Variants in DKK2 observed in about 807,000 individuals in gnomAD.
DKK2 encodes the protein dickkopf-related protein 2.
Under a neutral mutation model 28.1 loss-of-function variants are expected in DKK2, and 11 were observed. The ratio of observed to expected loss-of-function variants is 0.39; its 90% CI spans 0.25 to 0.65. The LOEUF (loss-of-function observed/expected upper bound fraction) is 0.65. Among genes scored for constraint, DKK2 ranks in the 30% least tolerant of loss-of-function variants. The pLI, the probability that DKK2 is intolerant of heterozygous loss-of-function variation, is 0.47. For synonymous variants in DKK2, 135 were observed against 126.5 expected, an observed-to-expected ratio of 1.07 and a Z score of -0.45; for missense variants, 326 against 335.5, an observed-to-expected ratio of 0.97 and a Z score of 0.22.
At chr4:106,940,264 A>G (rs536477379) in intron 1 of DKK2, among the ~76,000 whole-genome samples, 2 of 152,292 alleles carry the variant, frequency 1.3e-5, no homozygotes, top group Admixed American at 6.5e-5. Flanking sequence ...AATTTACAAG[A>G]AAAAACAAAT....
chr4:107,014,289 T>C (rs1309356675), intron 1 of DKK2, among the ~76,000 whole-genome samples: 2 of 151,554 alleles, frequency 1.3e-5, no homozygotes, highest in African/African-American at 4.8e-5. Context: ...ATATACACAA[T>C]AGAATACTAT....
At chr4:107,016,224 T>A (rs530348001) in intron 1 of DKK2, among the ~76,000 whole-genome samples, 4 of 152,050 alleles carry the variant, frequency 2.6e-5, no homozygotes, top group Non-Finnish European at 5.9e-5. Flanking sequence ...CACTGTTTGC[T>A]GTATGTGTAC....
At chr4:106,985,628 G>A (rs1723105456) in intron 1 of DKK2, among the ~76,000 whole-genome samples, 2 of 151,736 alleles carry the variant, frequency 1.3e-5, no homozygotes, top group African/African-American at 4.8e-5. Flanking sequence ...GGCCAACATG[G>A]TGAGACCTCG....
At chr4:106,939,646 G>A (rs887571662) in intron 1 of DKK2, among the ~76,000 whole-genome samples, 6 of 152,084 alleles carry the variant, frequency 3.9e-5, no homozygotes, top group Non-Finnish European at 5.9e-5. Flanking sequence ...AGCCCGCATC[G>A]CCAAGTCAAT....
chr4:106,958,563 C>T (rs1270309850), intron 1 of DKK2, among the ~76,000 whole-genome samples: 1 of 151,858 alleles, frequency 6.6e-6, no homozygotes, highest in Admixed American at 6.6e-5. Flanking sequence ...GCTGGGATTA[C>T]GATGGTTCAT....
intron 1 of DKK2, among the ~76,000 whole-genome samples, chr4:106,942,201 A>G (rs1056068898): frequency 1.3e-5 from 2 of 152,168 alleles, no homozygotes; most frequent in African/African-American, 4.8e-5. Flanking sequence ...TTGTGATGAC[A>G]TACACAACGT....
chr4:106,978,994 T>C (rs558700472), intron 1 of DKK2, among the ~76,000 whole-genome samples: 1 of 152,188 alleles, frequency 6.6e-6, no homozygotes, highest in African/African-American at 2.4e-5. Context: ...CCCTCACAGC[T>C]TCCCTTGGGT....
At position 107,014,129 on chromosome 4, in the gene DKK2, T is replaced by C. The variant is rs115147779; in HGVS notation, c.222+21241A>G. Reference sequence around the variant, plus strand: ...ACTATGACATGATACAGCAATTCCATTTCTGAGTACATATCCAAAAGAACT... The same window carrying C: ...ACTATGACATGATACAGCAATTCCACTTCTGAGTACATATCCAAAAGAACT... On this transcript the variant is annotated intron_variant, in intron 1 of 3. Coordinates refer to ENST00000285311, the MANE Select transcript of DKK2 (RefSeq NM_014421.3). Among the ~76,000 whole-genome samples, 804 of 151,586 alleles carry C rather than the reference T, an allele frequency of 5.3e-3. 9 individuals are homozygous for C. Among genetic ancestry groups the C allele is most frequent in the African/African-American group, 0.019 (769 of 41,492 alleles).
intron 1 of DKK2, among the ~76,000 whole-genome samples, chr4:106,952,196 T>C (rs1013381709): frequency 5.9e-5 from 9 of 152,176 alleles, no homozygotes; most frequent in African/African-American, 2.2e-4. Flanking sequence ...CTATAAAAAG[T>C]AAAAATCTAT....
intron 1 of DKK2, among the ~76,000 whole-genome samples, chr4:107,005,695 T>G (rs1723428895): frequency 6.6e-6 from 1 of 152,336 alleles, no homozygotes; most frequent in Middle Eastern, 3.4e-3. Flanking sequence ...CAAAGATGTT[T>G]TTCAGTAGGG....
chr4:107,018,044 C>A (rs775859831), intron 1 of DKK2, among the ~76,000 whole-genome samples: 1 of 152,016 alleles, frequency 6.6e-6, no homozygotes, highest in South Asian at 2.1e-4. Context: ...AATGACAATA[C>A]ACAATATAAA....
At chr4:107,009,596 C>T (rs138761550) in intron 1 of DKK2, among the ~76,000 whole-genome samples, 2 of 151,768 alleles carry the variant, frequency 1.3e-5, no homozygotes, top group East Asian at 3.9e-4. Flanking sequence ...GAGTTTGCAG[C>T]TGGGAAGGGT....
chr4:107,033,922 G>A lies in DKK2; in HGVS notation c.222+1448C>T, dbSNP rs149772062. Reference sequence around the variant, plus strand: ...CATAAGCGCGTAGGCATGTGCACGTGTGTGAGGATGTGCAACGGTTATGTT... The same window carrying A: ...CATAAGCGCGTAGGCATGTGCACGTATGTGAGGATGTGCAACGGTTATGTT... On this transcript the variant is annotated intron_variant, in intron 1 of 3. Coordinates refer to ENST00000285311, the MANE Select transcript of DKK2 (RefSeq NM_014421.3). 5.6e-3 allele frequency among the ~76,000 whole-genome samples: 850 copies of A among 152,306 alleles called. 5 individuals are homozygous for A. The highest frequency in any genetic ancestry group is 6.9e-3 in the Non-Finnish European group (472 of 68,030).
chr4:107,000,217 A>AT lies in DKK2; in HGVS notation c.222+35152dup, dbSNP rs1294472412. Among the ~76,000 whole-genome samples the AT allele has an allele frequency of 9.9e-5, 15 of 151,938 alleles. No homozygotes were observed. The South Asian group carries it at 2.3e-3, about 23-fold the overall frequency. ...TTAGTCCTTGGTCAATGGTAATTTT[A>AT]TTTTTTTTGCTATGGATTTTTCTTT... On this transcript the variant is annotated intron_variant, in intron 1 of 3. Transcript: ENST00000285311.
chr4:107,029,851 T>C (rs1029422833), intron 1 of DKK2, among the ~76,000 whole-genome samples: 2 of 152,294 alleles, frequency 1.3e-5, no homozygotes, highest in East Asian at 3.9e-4. Context: ...TACTGCAAAG[T>C]ATTTAAAAGG....
At chr4:106,937,289 A>G (rs1724606078) in intron 1 of DKK2, among the ~76,000 whole-genome samples, 1 of 139,030 alleles carries the variant, frequency 7.2e-6, no homozygotes, top group Non-Finnish European at 1.6e-5. Context: ...AAGCAAATGG[A>G]AAACAAAAAA....
At chr4:106,966,852 A>T (rs1168493569) in intron 1 of DKK2, among the ~76,000 whole-genome samples, 1 of 152,088 alleles carries the variant, frequency 6.6e-6, no homozygotes, top group Admixed American at 6.6e-5. Flanking sequence ...GGAAAGACCT[A>T]CCCTCATAAT....
chr4:106,961,418 A>T (rs1012918986), intron 1 of DKK2, among the ~76,000 whole-genome samples: 4 of 152,142 alleles, frequency 2.6e-5, no homozygotes, highest in Non-Finnish European at 5.9e-5. Context: ...ATTTTCCTAA[A>T]TTTTTAATCT....
At chr4:106,965,423 T>C (rs112347510) in intron 1 of DKK2, among the ~76,000 whole-genome samples, 4,724 of 152,158 alleles carry the variant, frequency 0.031, 74 homozygotes, top group Non-Finnish European at 0.037. Context: ...TTATACAGGT[T>C]TTCTCACTTA....
Sources: allele counts gnomAD v4.1 joint callset (sites outside exome capture counted in the v4.1 genomes callset), GRCh38; gene constraint gnomAD v4.1.1; transcripts MANE v1.5; gene names NCBI Gene and HGNC (gene_info 2026-07-23, HGNC 2026-07-21).